CEP63: variants seen among roughly 807,000 people sequenced by gnomAD.
CEP63 encodes the protein centrosomal protein of 63 kDa.
Under a neutral mutation model 89.1 loss-of-function variants are expected in CEP63, and 84 were observed. That is an observed-to-expected ratio of 0.94 (90% CI 0.79 to 1.13). The LOEUF (loss-of-function observed/expected upper bound fraction) is 1.13, where lower values mean the gene tolerates loss of function less well. CEP63 is among the 50% of genes most tolerant of loss of function. The pLI is 0.00. For synonymous variants in CEP63, 267 were observed against 272.5 expected (o/e 0.98, Z 0.20); for missense variants, 838 against 813.3 (o/e 1.03, Z -0.37).
At chr3:134,743,092 C>T in the CEP63 span, among the ~76,000 whole-genome samples, 1 of 152,334 alleles carries the variant, frequency 6.6e-6, no homozygotes, top group African/African-American at 2.4e-5. Context: ...GGGGGTCCCT[C>T]AGCTGTTGTG....
chr3:134,516,648 A>G (rs573134517), intron 3 of CEP63, among the ~76,000 whole-genome samples: 1 of 152,152 alleles, frequency 6.6e-6, no homozygotes, highest in South Asian at 2.1e-4. Context: ...GATGACTCTT[A>G]AGGAGCATGC....
At chr3:134,775,134 C>T in the CEP63 span, among the ~76,000 whole-genome samples, 1 of 152,194 alleles carries the variant, frequency 6.6e-6, no homozygotes, top group African/African-American at 2.4e-5. Flanking sequence ...ATCTCACTTC[C>T]CCACTCACCT....
chr3:134,731,311 A>G, the CEP63 span, among the ~76,000 whole-genome samples: 1 of 152,202 alleles, frequency 6.6e-6, no homozygotes, highest in African/African-American at 2.4e-5. Flanking sequence ...GGGCATATAC[A>G]TTCTTCTCAA....
chr3:134,526,135 CA>C (rs1160879985), intron 3 of CEP63, among the ~76,000 whole-genome samples: 2 of 152,128 alleles, frequency 1.3e-5, no homozygotes, highest in Non-Finnish European at 2.9e-5. Flanking sequence ...CATTCCTTTT[CA>C]TTCTTTTTTT....
chr3:134,581,827 TA>T (rs1395897671), intron 10 of CEP63, among the ~76,000 whole-genome samples: 4 of 149,194 alleles, frequency 2.7e-5, no homozygotes, highest in Admixed American at 6.7e-5. Context: ...AGGCGCCCGC[TA>T]CCACGCCCGG....
chr3:134,613,778 A>C, the CEP63 span, among the ~76,000 whole-genome samples: 1 of 152,248 alleles, frequency 6.6e-6, no homozygotes, highest in South Asian at 2.1e-4. Context: ...GTAAAGCATT[A>C]TTGTTAATAT....
intron 1 of CEP63, among the ~76,000 whole-genome samples, chr3:134,492,070 C>CTTTTTT (rs74269453): frequency 2.3e-4 from 24 of 103,656 alleles, no homozygotes; most frequent in East Asian, 5.6e-4. Context: ...TATTTGTATT[C>CTTTTTT]TTTTTTTTTT....
chr3:134,769,219 G>T, the CEP63 span, among the ~76,000 whole-genome samples: 1 of 152,188 alleles, frequency 6.6e-6, no homozygotes, highest in Non-Finnish European at 1.5e-5. Context: ...TATGGTCGGG[G>T]ACCATCAGGA....
At chr3:134,690,191 A>T in the CEP63 span, among the ~76,000 whole-genome samples, 1 of 152,150 alleles carries the variant, frequency 6.6e-6, no homozygotes, top group East Asian at 1.9e-4. Flanking sequence ...GGCCATATTT[A>T]AAAAATTTAT....
At chr3:134,579,987 G>A (rs1195757654), downstream of CEP63, among the ~76,000 whole-genome samples, 1 of 152,172 alleles carries the variant, frequency 6.6e-6, no homozygotes, top group Non-Finnish European at 1.5e-5. Flanking sequence ...CCTGAGGTCA[G>A]GAGTTTGAGA....
the CEP63 span, among the ~76,000 whole-genome samples, chr3:134,696,353 T>C: frequency 6.6e-6 from 1 of 151,964 alleles, no homozygotes; most frequent in African/African-American, 2.4e-5. Flanking sequence ...CAGCAGGGAG[T>C]GCTGGGTTAA....
the CEP63 span, among the ~76,000 whole-genome samples, chr3:134,688,609 T>C: frequency 6.6e-6 from 1 of 152,222 alleles, no homozygotes; most frequent in Non-Finnish European, 1.5e-5. Flanking sequence ...TTGTCCCTGC[T>C]GTGGTGCCTT....
At chr3:134,690,069 T>A in the CEP63 span, among the ~76,000 whole-genome samples, 5 of 152,236 alleles carry the variant, frequency 3.3e-5, no homozygotes, top group South Asian at 1.0e-3. Flanking sequence ...AGATGTACTC[T>A]AGACAATGCA....
At chr3:134,689,289 G>A in the CEP63 span, among the ~76,000 whole-genome samples, 1 of 151,988 alleles carries the variant, frequency 6.6e-6, no homozygotes, top group Non-Finnish European at 1.5e-5. Context: ...AAAACTATGA[G>A]ACAGAAAAAA....
At chr3:134,610,151 CT>C in the CEP63 span, 1 of 1,577,362 alleles carries the variant, frequency 6.3e-7, no homozygotes, top group East Asian at 2.2e-5. Flanking sequence ...ACATCCTCCA[CT>C]TCCACCTGCC....
At chr3:134,572,335 G>T (rs4572812) in intron 11 of CEP63, among the ~76,000 whole-genome samples, 48,194 of 151,922 alleles carry the variant, frequency 0.32, 7,916 homozygotes, top group African/African-American at 0.35. Context: ...CTGAGGTTTG[G>T]GATATGAATG....
At chr3:134,598,826 C>T in the CEP63 span, among the ~76,000 whole-genome samples, 16 of 152,320 alleles carry the variant, frequency 1.1e-4, no homozygotes, top group African/African-American at 3.6e-4. Flanking sequence ...TCTTTTGACT[C>T]GGAGATGCCT....
the CEP63 span, chr3:134,629,437 T>C: frequency 3.5e-6 from 2 of 563,940 alleles, no homozygotes; most frequent in Non-Finnish European, 6.4e-6. Context: ...AAATCAGCGG[T>C]AGCTGGGTGT....
At chr3:134,612,865 C>A in the CEP63 span, 1 of 150,978 alleles carries the variant, frequency 6.6e-6, no homozygotes, top group African/African-American at 2.4e-5. Context: ...GGCACCTGAT[C>A]TTTTGGCAAT....
Sources: gnomAD v4.1 joint callset for allele counts (sites outside exome capture counted in the v4.1 genomes callset) on GRCh38, gnomAD v4.1.1 for gene constraint, MANE v1.5 for transcripts, NCBI Gene and HGNC (gene_info 2026-07-23, HGNC 2026-07-21) for gene names.